The following REC114 variants were observed in gnomAD, a reference collection of about 807,000 sequenced individuals.
REC114 encodes REC114 meiotic recombination protein.
REC114 carries 27 observed loss-of-function variants against 31.3 expected under a neutral mutation model. The ratio of observed to expected loss-of-function variants is 0.86; its 90% confidence interval spans 0.64 to 1.19. The LOEUF (loss-of-function observed/expected upper bound fraction) is 1.19, where lower values mean the gene tolerates loss of function less well. Among genes scored for constraint, REC114 ranks in the 50% most tolerant of loss-of-function variants. The pLI is 0.00. For synonymous variants in REC114, 134 were observed against 127.7 expected, an observed-to-expected ratio of 1.05 and a Z score of -0.33; for missense variants, 344 against 326.9, an observed-to-expected ratio of 1.05 and a Z score of -0.40.
chr15:73,452,855 C>T (rs928122498), intron 1 of REC114, among the ~76,000 whole-genome samples: 3 of 152,166 alleles, frequency 2.0e-5, no homozygotes, highest in Admixed American at 2.0e-4. Context: ...TGATCTTTGA[C>T]AAACCTGACA....
chr15:73,468,122 C>T (rs1049170064), intron 1 of REC114, among the ~76,000 whole-genome samples: 3 of 152,138 alleles, frequency 2.0e-5, no homozygotes, highest in South Asian at 2.1e-4. Flanking sequence ...AATCCCTTTG[C>T]TATGTAAGAT....
chr15:73,485,768 A>G (rs1159512427), intron 2 of REC114, among the ~76,000 whole-genome samples: 1 of 152,146 alleles, frequency 6.6e-6, no homozygotes, highest in African/African-American at 2.4e-5. Context: ...TTCTTTATAA[A>G]TTACCCAGTC....
chr15:73,469,248 C>G (rs1011402688), intron 1 of REC114, among the ~76,000 whole-genome samples: 1 of 152,112 alleles, frequency 6.6e-6, no homozygotes, highest in Non-Finnish European at 1.5e-5. Context: ...CCTTACAGTT[C>G]TATCACTTAC....
chr15:73,473,602 C>G (rs775708739), intron 1 of REC114, among the ~76,000 whole-genome samples: 3 of 152,050 alleles, frequency 2.0e-5, no homozygotes, highest in Non-Finnish European at 4.4e-5. Flanking sequence ...CTTTCTGTTT[C>G]AAAATATTGG....
chr15:73,445,455 CT>C (rs1023157089), intron 1 of REC114, among the ~76,000 whole-genome samples: 1 of 152,144 alleles, frequency 6.6e-6, no homozygotes, highest in Non-Finnish European at 1.5e-5. Context: ...TTTTAATTTC[CT>C]TTAAGAACTT....
At chr15:73,491,646 C>G (rs775158402) in intron 2 of REC114, among the ~76,000 whole-genome samples, 1 of 152,128 alleles carries the variant, frequency 6.6e-6, no homozygotes, top group Admixed American at 6.5e-5. Context: ...GCCTGTAATC[C>G]CAGCACTTTG....
intron 1 of REC114, among the ~76,000 whole-genome samples, chr15:73,472,086 T>C (rs1035851498): frequency 2.6e-5 from 4 of 152,230 alleles, no homozygotes; most frequent in African/African-American, 9.6e-5. Flanking sequence ...TGTACACTTA[T>C]ATTTCGGATG....
intron 2 of REC114, among the ~76,000 whole-genome samples, chr15:73,491,908 A>T (rs1217160006): frequency 6.6e-6 from 1 of 152,068 alleles, no homozygotes; most frequent in Non-Finnish European, 1.5e-5. Context: ...TCAAGAAAAA[A>T]AAAAAAGTGA....
intron 2 of REC114, among the ~76,000 whole-genome samples, chr15:73,527,661 C>T (rs1894025141): frequency 6.6e-6 from 1 of 151,962 alleles, no homozygotes; most frequent in Non-Finnish European, 1.5e-5. Flanking sequence ...AAATTTTGAC[C>T]CTCTTATTCC....
At chr15:73,534,120 TAAAAG>T (rs1309109523) in intron 2 of REC114, among the ~76,000 whole-genome samples, 2 of 145,820 alleles carry the variant, frequency 1.4e-5, no homozygotes, top group African/African-American at 2.6e-5. Flanking sequence ...ACATCACAAT[TAAAAG>T]AACTAGAGAA....
At chr15:73,504,508 T>C (rs762111921) in intron 2 of REC114, among the ~76,000 whole-genome samples, 13 of 152,178 alleles carry the variant, frequency 8.5e-5, no homozygotes, top group Non-Finnish European at 1.6e-4. Context: ...ATGTTCTTGT[T>C]TGGCAAGAGG....
At chr15:73,473,524 AT>A (rs36096739) in intron 1 of REC114, among the ~76,000 whole-genome samples, 1 of 152,232 alleles carries the variant, frequency 6.6e-6, no homozygotes, top group African/African-American at 2.4e-5. Flanking sequence ...AGAATAAATT[AT>A]TTATTAAAAT....
At chr15:73,509,108 T>G (rs1216013569) in intron 2 of REC114, among the ~76,000 whole-genome samples, 4 of 152,146 alleles carry the variant, frequency 2.6e-5, no homozygotes, top group Non-Finnish European at 5.9e-5. Context: ...CAGCACCTGT[T>G]GTTTCCTGAC....
intron 2 of REC114, among the ~76,000 whole-genome samples, chr15:73,530,598 T>C (rs1282744055): frequency 6.6e-6 from 1 of 152,180 alleles, no homozygotes; most frequent in Non-Finnish European, 1.5e-5. Context: ...CAGTGAGTTA[T>C]CATCGTACCA....
At chr15:73,513,296 CAGCTCCTTT>C (rs1452756854) in intron 2 of REC114, among the ~76,000 whole-genome samples, 1 of 151,948 alleles carries the variant, frequency 6.6e-6, no homozygotes, top group Non-Finnish European at 1.5e-5. Flanking sequence ...TCAGCTCCAT[CAGCTCCTTT>C]AAGCACTTCT....
chr15:73,452,436 A>C (rs1213534207), intron 1 of REC114, among the ~76,000 whole-genome samples: 1 of 152,234 alleles, frequency 6.6e-6, no homozygotes, highest in Non-Finnish European at 1.5e-5. Flanking sequence ...AGGGATGTGA[A>C]GGACCTCTTC....
chr15:73,503,231 T>C (rs1893625397), intron 2 of REC114, among the ~76,000 whole-genome samples: 1 of 152,246 alleles, frequency 6.6e-6, no homozygotes, highest in Non-Finnish European at 1.5e-5. Context: ...TACAGCAGTT[T>C]TATTCATTAT....
intron 2 of REC114, among the ~76,000 whole-genome samples, chr15:73,476,454 T>G (rs1306385708): frequency 6.6e-6 from 1 of 152,194 alleles, no homozygotes; most frequent in Non-Finnish European, 1.5e-5. Context: ...TAGTTTTGCC[T>G]TTTTTAAAAT....
In REC114 at chr15:73,537,102, A is replaced by G. The variant is rs974779230; in HGVS notation, c.250-3383A>G. Among the ~76,000 whole-genome samples the G allele has an allele frequency of 3.3e-5, 5 of 152,342 alleles. No homozygotes were observed. The East Asian group carries it at 7.7e-4, about 23-fold the overall frequency. ...GCACTATAATAGGTGCTATATATTC[A>G]TTAGCGAGCAAAACGAACTTAGCCC... is the stretch of plus-strand genomic sequence containing the variant. On this transcript the variant is annotated intron_variant, in intron 2 of 5. Coordinates refer to ENST00000331090, the MANE Select transcript of REC114 (RefSeq NM_001042367.2).
Sources: allele counts gnomAD v4.1 joint callset (sites outside exome capture counted in the v4.1 genomes callset), GRCh38; gene constraint gnomAD v4.1.1; transcripts MANE v1.5; gene names NCBI Gene and HGNC (gene_info 2026-07-23, HGNC 2026-07-21).